The following FAM107B variants were observed in gnomAD, a reference collection of about 807,000 sequenced individuals.
The protein encoded by FAM107B is family with sequence similarity 107 member B.
Under a neutral mutation model 31.5 loss-of-function variants are expected in FAM107B, and 21 were observed. That is an observed-to-expected ratio of 0.67 (90% CI 0.47 to 0.96). FAM107B has a LOEUF of 0.96. Among genes scored for constraint, FAM107B ranks in the 40% least tolerant of loss-of-function variants. The pLI is 0.00. For synonymous variants in FAM107B, 157 were observed against 141.5 expected (o/e 1.11, Z -0.78); for missense variants, 452 against 377.1 (o/e 1.20, Z -1.64).
intron 1 of FAM107B, among the ~76,000 whole-genome samples, chr10:14,726,108 T>C (rs2688859): frequency 0.72 from 109,090 of 151,896 alleles, 39,746 homozygotes; most frequent in African/African-American, 0.86. Flanking sequence ...ATTCTCCTGC[T>C]TCAGCCTCCC....
intron 2 of FAM107B, chr10:14,604,418 C>G (rs938832084): frequency 2.5e-5 from 5 of 201,442 alleles, no homozygotes; most frequent in Non-Finnish European, 4.4e-5. Context: ...CGCGGCCCCG[C>G]GCGTCCGAAT....
At chr10:14,695,292 G>GA (rs145783298) in intron 1 of FAM107B, among the ~76,000 whole-genome samples, 7,654 of 152,016 alleles carry the variant, frequency 0.05, 639 homozygotes, top group African/African-American at 0.17. Context: ...TGCCTTTTTT[G>GA]AAAATTAGTT....
intron 2 of FAM107B, among the ~76,000 whole-genome samples, chr10:14,547,226 G>A (rs2131025151): frequency 6.6e-6 from 1 of 152,328 alleles, no homozygotes; most frequent in Non-Finnish European, 1.5e-5. Flanking sequence ...TTTGGCTGAT[G>A]AGATTCGACA....
chr10:14,596,808 C>A (rs2131358076), intron 2 of FAM107B, among the ~76,000 whole-genome samples: 1 of 152,278 alleles, frequency 6.6e-6, no homozygotes, highest in Admixed American at 6.5e-5. Flanking sequence ...TAAGGGGTGG[C>A]CCACATGCTG....
chr10:14,568,757 A>C (rs947926392), intron 2 of FAM107B, among the ~76,000 whole-genome samples: 1 of 135,770 alleles, frequency 7.4e-6, no homozygotes, highest in African/African-American at 2.7e-5. Flanking sequence ...ATCCCAAGGC[A>C]GGAGCACAGC....
At chr10:14,545,712 T>C (rs1048195776) in intron 2 of FAM107B, among the ~76,000 whole-genome samples, 39 of 152,242 alleles carry the variant, frequency 2.6e-4, no homozygotes, top group Admixed American at 1.8e-3. Flanking sequence ...AAAATTTGCA[T>C]GTAACAGAAT....
Position 14,667,626 on chromosome 10 carries a change from T to A in FAM107B, c.469+8A>T, listed in dbSNP as rs1172168420. On this transcript the variant is annotated splice_region_variant and intron_variant, in intron 2 of 4. Transcript: ENST00000181796. ...CCTGGAAAAGGAATCACACAGAATG[T>A]ACTCTACCTGATGTCATTTTCTGCT... 1 of 1,614,080 alleles carries A rather than the reference T, an allele frequency of 6.2e-7. No individual in the cohort carries two copies. The highest frequency in any genetic ancestry group is 8.5e-7 in the Non-Finnish European group (1 of 1,179,958).
intron 3 of FAM107B, among the ~76,000 whole-genome samples, chr10:14,525,211 C>T (rs762952089): frequency 1.3e-5 from 2 of 152,108 alleles, no homozygotes; most frequent in Non-Finnish European, 2.9e-5. Context: ...CAATACCATC[C>T]CTTGCACAAG....
chr10:14,632,969 C>T (rs12411807), intron 2 of FAM107B, among the ~76,000 whole-genome samples: 15,938 of 152,016 alleles, frequency 0.1, 1,164 homozygotes, highest in Admixed American at 0.25. Flanking sequence ...GAAGCCAAGG[C>T]GGGCAGATCA....
intron 2 of FAM107B, among the ~76,000 whole-genome samples, chr10:14,638,314 A>G (rs1853552942): frequency 6.6e-6 from 1 of 150,924 alleles, no homozygotes; most frequent in Non-Finnish European, 1.5e-5. Flanking sequence ...TAAGCTGGAT[A>G]TGTTTCATGT....
intron 2 of FAM107B, chr10:14,572,132 A>T: frequency 1.0e-6 from 1 of 985,422 alleles, no homozygotes; most frequent in Non-Finnish European, 1.2e-6. Context: ...AACTTCTGAA[A>T]GCAGGAACTG....
chr10:14,648,762 A>G (rs1453588137), intron 2 of FAM107B, among the ~76,000 whole-genome samples: 2 of 152,250 alleles, frequency 1.3e-5, no homozygotes, highest in East Asian at 1.9e-4. Flanking sequence ...AACCCACGTC[A>G]TCTAGCCCAG....
At chr10:14,538,666 A>G (rs934287536) in intron 2 of FAM107B, among the ~76,000 whole-genome samples, 2 of 152,192 alleles carry the variant, frequency 1.3e-5, no homozygotes, top group African/African-American at 4.8e-5. Context: ...TTCACCCTCA[A>G]TCAGTACACT....
At position 14,657,612 on chromosome 10, in the gene FAM107B, A is replaced by G. The variant is rs549550953; in HGVS notation, c.469+10022T>C. On this transcript the variant is annotated intron_variant, in intron 2 of 4. Coordinates refer to ENST00000181796, the MANE Select transcript of FAM107B (RefSeq NM_031453.4). ...AATCTAGAACCTAGATGGAAAACCA[A>G]CCAACTTTCTCCTACTTACACTTAA... Among the ~76,000 whole-genome samples the G allele has an allele frequency of 3.7e-4, 57 of 152,176 alleles. 1 individual carries two copies. Among genetic ancestry groups the G allele is most frequent in the Non-Finnish European group, 2.1e-4 (14 of 68,000 alleles).
At chr10:14,632,009 G>T (rs544289273) in intron 2 of FAM107B, among the ~76,000 whole-genome samples, 1 of 152,164 alleles carries the variant, frequency 6.6e-6, no homozygotes, top group Admixed American at 6.6e-5. Context: ...ATAAAATTAA[G>T]AAATCTGGCC....
intron 2 of FAM107B, among the ~76,000 whole-genome samples, chr10:14,604,580 C>T (rs931992125): frequency 2.6e-5 from 4 of 151,390 alleles, no homozygotes; most frequent in Admixed American, 2.0e-4. Flanking sequence ...GGGCACCAGC[C>T]GGGGCTGCAG....
intron 2 of FAM107B, among the ~76,000 whole-genome samples, chr10:14,588,223 G>A (rs989870588): frequency 3.3e-5 from 5 of 151,962 alleles, no homozygotes; most frequent in African/African-American, 7.3e-5. Context: ...AAGCTGTTCT[G>A]TTTCCAGCAC....
chr10:14,627,369 C>G (rs1289442516), intron 2 of FAM107B, among the ~76,000 whole-genome samples: 1 of 152,176 alleles, frequency 6.6e-6, no homozygotes, highest in Non-Finnish European at 1.5e-5. Context: ...GATAAACAGA[C>G]AGGAGGAGAT....
intron 2 of FAM107B, among the ~76,000 whole-genome samples, chr10:14,542,993 T>G (rs1848363059): frequency 6.6e-6 from 1 of 152,224 alleles, no homozygotes; most frequent in Non-Finnish European, 1.5e-5. Context: ...CCTGCCCAAT[T>G]AATGGATTTC....
Sources: allele counts gnomAD v4.1 joint callset (sites outside exome capture counted in the v4.1 genomes callset), GRCh38; gene constraint gnomAD v4.1.1; transcripts MANE v1.5; gene names NCBI Gene and HGNC (gene_info 2026-07-23, HGNC 2026-07-21).